Variants in ZNF609 observed in about 807,000 individuals in gnomAD.
The protein encoded by ZNF609 is zinc finger protein 609.
In ZNF609, 11 loss-of-function variants were observed where a neutral mutation model predicts 109.5. The observed-to-expected ratio is 0.10, with a 90% CI of 0.06 to 0.17. The LOEUF (loss-of-function observed/expected upper bound fraction) is 0.17. Ranked by LOEUF, ZNF609 falls within the 10% of genes least tolerant of loss-of-function variation. The pLI is 1.00. For synonymous variants in ZNF609, 646 were observed against 662.0 expected (o/e 0.98, Z 0.37); for missense variants, 1,559 against 1,772.4 (o/e 0.88, Z 2.16).
intron 2 of ZNF609, among the ~76,000 whole-genome samples, chr15:64,594,972 G>A (rs1169949051): frequency 4.7e-5 from 7 of 147,640 alleles, no homozygotes; most frequent in Admixed American, 6.8e-5. Context: ...CTTACAGTCC[G>A]GCCTGGGCAA....
intron 1 of ZNF609, among the ~76,000 whole-genome samples, chr15:64,489,169 TTG>T (rs1329725133): frequency 6.6e-6 from 1 of 151,626 alleles, no homozygotes. Context: ...AAGCCTAGTT[TTG>T]TGTTTTTTTT....
intron 1 of ZNF609, among the ~76,000 whole-genome samples, chr15:64,479,995 G>T (rs1404081040): frequency 5.8e-5 from 2 of 34,246 alleles, no homozygotes. Context: ...AACACTTTGG[G>T]AGGCTTGAGG....
At chr15:64,611,145 G>C (rs1895710510) in intron 2 of ZNF609, among the ~76,000 whole-genome samples, 1 of 152,144 alleles carries the variant, frequency 6.6e-6, no homozygotes, top group African/African-American at 2.4e-5. Context: ...AGTAGTTACA[G>C]AAGTTCTTTA....
rs529258197 is a variant in ZNF609, at chr15:64,669,265, A to C, written c.974-1081A>C. 9.7e-4 allele frequency among the ~76,000 whole-genome samples: 148 copies of C among 152,214 alleles called. 1 individual carries two copies. Among genetic ancestry groups the C allele is most frequent in the Non-Finnish European group, 1.7e-3 (117 of 68,040 alleles). ...GTAGGTAAAATGAAGCATTTGTACA[A>C]GATTATTCATTGCAGTTTATTTGTA... On this transcript the variant is annotated intron_variant, in intron 3 of 9. Transcript: ENST00000326648.
At chr15:64,673,856 A>C in intron 4 of ZNF609, 60 bp from the exon 5 acceptor site, 1 of 1,538,704 alleles carries the variant, frequency 6.5e-7, no homozygotes, top group Non-Finnish European at 8.8e-7. Context: ...CTACAGCTAA[A>C]CTGCTTTGAA....
chr15:64,469,044 A>AAC (rs1893054019), intron 1 of ZNF609, among the ~76,000 whole-genome samples: 1 of 140,352 alleles, frequency 7.1e-6, no homozygotes, highest in Non-Finnish European at 1.6e-5. Flanking sequence ...CTTAAAAAAA[A>AAC]AAAAAAAAAA....
intron 2 of ZNF609, among the ~76,000 whole-genome samples, chr15:64,534,740 A>G (rs952619660): frequency 6.6e-6 from 1 of 151,856 alleles, no homozygotes; most frequent in Non-Finnish European, 1.5e-5. Context: ...TTATATAAAA[A>G]CTGTTATTTA....
intron 3 of ZNF609, among the ~76,000 whole-genome samples, chr15:64,623,554 C>T (rs981315317): frequency 6.6e-6 from 1 of 152,258 alleles, no homozygotes; most frequent in East Asian, 1.9e-4. Context: ...CCCAGCCACC[C>T]ACACCGCTTC....
chr15:64,546,471 CACCAGTGGTGACCAGTGGCG>C (rs1290565635), intron 2 of ZNF609, among the ~76,000 whole-genome samples: 1 of 149,594 alleles, frequency 6.7e-6, no homozygotes, highest in Non-Finnish European at 1.5e-5. Context: ...CTTGTTCTGT[CACCAGTGGTGACCAGTGGCG>C]ACCAGTGGTG....
intron 2 of ZNF609, among the ~76,000 whole-genome samples, chr15:64,616,747 C>T (rs1264332476): frequency 6.8e-6 from 1 of 146,220 alleles, no homozygotes; most frequent in Non-Finnish European, 1.5e-5. Flanking sequence ...TCTCGATCTC[C>T]TGACCTTGTG....
intron 4 of ZNF609, 117 bp from the exon 5 acceptor site, chr15:64,673,799 A>G: frequency 1.7e-6 from 2 of 1,197,668 alleles, no homozygotes; most frequent in Non-Finnish European, 2.3e-6. Flanking sequence ...CTTTTAACAA[A>G]TCATATTCAT....
intron 2 of ZNF609, among the ~76,000 whole-genome samples, chr15:64,526,177 T>G (rs1893965915): frequency 6.6e-6 from 1 of 151,978 alleles, no homozygotes; most frequent in Non-Finnish European, 1.5e-5. Flanking sequence ...TTTGTTAAAT[T>G]TATTCCTGAG....
rs766793770 is a variant in ZNF609, at chr15:64,499,831, A to G, written c.412A>G (p.Ile138Val). The G allele has an allele frequency of 3.1e-6, 5 of 1,613,936 alleles. No individual in the cohort carries two copies. The highest frequency in any genetic ancestry group is 4.2e-6 in the Non-Finnish European group (5 of 1,179,992). ...GANAGGLVAA[I>V]APKGSEKAAK... ...CAATGCTGGAGGCCTGGTTGCTGCT[A>G]TTGCTCCCAAGGGCTCAGAGAAGGC... The change falls in exon 2 of 10, where the codon ATT (isoleucine) becomes GTT (valine). Residue 138 changes from isoleucine to valine, a missense_variant. Coordinates refer to ENST00000326648, the MANE Select transcript of ZNF609 (RefSeq NM_015042.2).
chr15:64,668,060 C>G (rs1896676296), intron 3 of ZNF609, among the ~76,000 whole-genome samples: 2 of 152,178 alleles, frequency 1.3e-5, no homozygotes, highest in African/African-American at 4.8e-5. Flanking sequence ...CATTTGAAGA[C>G]CTGTTGTACT....
At chr15:64,483,873 A>C (rs1366637946) in intron 1 of ZNF609, among the ~76,000 whole-genome samples, 1 of 152,162 alleles carries the variant, frequency 6.6e-6, no homozygotes, top group East Asian at 1.9e-4. Context: ...CTGAGGCCCA[A>C]ATAGCTGTAG....
chr15:64,582,027 C>A (rs896115870), intron 2 of ZNF609, among the ~76,000 whole-genome samples: 1 of 152,130 alleles, frequency 6.6e-6, no homozygotes, highest in Admixed American at 6.6e-5. Context: ...AATTATCTTT[C>A]CAACATCTTT....
At chr15:64,484,675 CAAAA>C (rs35508980) in intron 1 of ZNF609, among the ~76,000 whole-genome samples, 2 of 69,956 alleles carry the variant, frequency 2.9e-5, no homozygotes, top group Admixed American at 2.0e-4. Context: ...GACTCTGTCT[CAAAA>C]AAAAAAAAAA....
chr15:64,674,096 G>C lies in ZNF609; in HGVS notation c.1242G>C (p.Gln414His). 1 of 1,614,208 alleles carries C rather than the reference G, an allele frequency of 6.2e-7. No individual in the cohort carries two copies. The highest frequency in any genetic ancestry group is 8.5e-7 in the Non-Finnish European group (1 of 1,180,042). Reference protein sequence around the residue: ...GANSKGRRGSQNSSEHRPPAS... With the variant: ...GANSKGRRGSHNSSEHRPPAS... ...ATAGCAAAGGCCGTCGGGGCAGCCA[G>C]AATTCTTCAGAGCACCGCCCACCTG... is the stretch of plus-strand genomic sequence containing the variant. Residue 414 changes from glutamine (Q) to histidine (H), a missense_variant, in exon 5 of 10, where the codon CAG becomes CAC. Physicochemically the swap from Gln to His is conservative, Grantham distance 24. This residue lies in a region of ZNF609 where 1,204 missense variants were observed against 1,314.1 expected (regional missense o/e 0.92). Coordinates refer to ENST00000326648, the MANE Select transcript of ZNF609 (RefSeq NM_015042.2).
intron 3 of ZNF609, among the ~76,000 whole-genome samples, chr15:64,632,984 A>C (rs1351661883): frequency 6.6e-6 from 1 of 150,532 alleles, no homozygotes; most frequent in Non-Finnish European, 1.5e-5. Flanking sequence ...GGGTCTCACT[A>C]TGTTTTACAG....
Sources: allele counts gnomAD v4.1 joint callset (sites outside exome capture counted in the v4.1 genomes callset), GRCh38; gene constraint gnomAD v4.1.1; regional missense constraint gnomAD v4.1.1; transcripts MANE v1.5; gene names NCBI Gene and HGNC (gene_info 2026-07-23, HGNC 2026-07-21).